SEC23IP: variants seen among roughly 807,000 people sequenced by gnomAD.
The protein encoded by SEC23IP is SEC23 interacting protein.
In SEC23IP, 70 loss-of-function variants were observed where a neutral mutation model predicts 113.4. The ratio of observed to expected loss-of-function variants is 0.62; its 90% CI spans 0.51 to 0.75. The LOEUF is 0.75. Among genes scored for constraint, SEC23IP ranks in the 30% least tolerant of loss-of-function variants. The probability of loss-of-function intolerance (pLI) is 0.00; values close to 1 mark genes in which losing one functional copy is unlikely to be tolerated. For synonymous variants in SEC23IP, 398 were observed against 421.0 expected (o/e 0.95, Z 0.67); for missense variants, 1,160 against 1,204.9 (o/e 0.96, Z 0.55).
In SEC23IP at chr10:119,920,056, GA is replaced by G. The variant is rs570724624; in HGVS notation, c.2025+461del. ...GAAATGGAAATTGAAAGTACAATGGGATTTTTTTTAACTTACCAGTTTGAAA... is the reference window on the plus strand; with the variant it reads ...GAAATGGAAATTGAAAGTACAATGGGTTTTTTTTAACTTACCAGTTTGAAA... On this transcript the variant is annotated intron_variant, in intron 11 of 18. Coordinates refer to ENST00000369075, the MANE Select transcript of SEC23IP (RefSeq NM_007190.4). Among the ~76,000 whole-genome samples, 247 of 152,284 alleles carry G rather than the reference GA, an allele frequency of 1.6e-3. 1 individual carries two copies. Among genetic ancestry groups the G allele is most frequent in the African/African-American group, 5.7e-3 (236 of 41,552 alleles).
intron 12 of SEC23IP, among the ~76,000 whole-genome samples, chr10:119,925,747 G>A (rs1450866742): frequency 6.6e-6 from 1 of 151,982 alleles, no homozygotes; most frequent in African/African-American, 2.4e-5. Flanking sequence ...TCACTATGTT[G>A]CCCAGGTTGG....
At chr10:119,914,134 C>T (rs1030851871) in intron 6 of SEC23IP, among the ~76,000 whole-genome samples, 2 of 152,134 alleles carry the variant, frequency 1.3e-5, no homozygotes, top group African/African-American at 2.4e-5. Flanking sequence ...CACTCTATCC[C>T]GGGCGACAAG....
chr10:119,901,286 T>C (rs1248379786), intron 2 of SEC23IP, among the ~76,000 whole-genome samples: 3 of 152,164 alleles, frequency 2.0e-5, no homozygotes, highest in South Asian at 4.1e-4. Context: ...GGATTATAGG[T>C]GTGAACCATC....
chr10:119,930,423 T>C lies in SEC23IP; in HGVS notation c.2564T>C (p.Leu855Pro). 1 of 1,596,790 alleles carries C rather than the reference T, an allele frequency of 6.3e-7. No individual in the cohort carries two copies. Among genetic ancestry groups the C allele is most frequent in the Non-Finnish European group, 8.6e-7 (1 of 1,166,950 alleles). The change falls in exon 15 of 19, where the codon CTT becomes CCT. Residue 855 changes from leucine (L) to proline (P), a missense_variant. By Grantham distance (98) the Leu-to-Pro change is moderately conservative. Coordinates refer to ENST00000369075, the MANE Select transcript of SEC23IP (RefSeq NM_007190.4). ...LIPHHKGRKR[L>P]HLELKESLSR... is the part of the protein sequence containing the mutation. ...CCACATCACAAAGGCAGAAAAAGAC[T>C]TCATTTAGGTAAAAAGCAAATACTA...
intron 1 of SEC23IP, among the ~76,000 whole-genome samples, chr10:119,894,416 C>T (rs1854201965): frequency 6.6e-6 from 1 of 152,224 alleles, no homozygotes; most frequent in Admixed American, 6.5e-5. Context: ...TATGTTTCTT[C>T]TTGATGCTTG....
rs751753502 is a variant in SEC23IP, at chr10:119,898,836, G to A, written c.573G>A (p.Arg191=). 6.2e-7 allele frequency: 1 copy of A among 1,613,384 alleles called. No homozygotes were observed. The highest frequency in any genetic ancestry group is 2.2e-5 in the East Asian group (1 of 44,882). ...ATCGCCATACCCCTGGCAGCAGCAGGGCTAATCCTTACATTGCACCACCCC... is the reference window on the plus strand; with the variant it reads ...ATCGCCATACCCCTGGCAGCAGCAGAGCTAATCCTTACATTGCACCACCCC... ...NPYRHTPGSS[R]ANPYIAPPQL... The change falls in exon 2 of 19, where the codon AGG becomes AGA. Residue 191 remains arginine, a synonymous_variant. Coordinates refer to ENST00000369075, the MANE Select transcript of SEC23IP (RefSeq NM_007190.4).
At chr10:119,917,352 A>C (rs1424246356) in intron 8 of SEC23IP, among the ~76,000 whole-genome samples, 1 of 151,474 alleles carries the variant, frequency 6.6e-6, no homozygotes, top group African/African-American at 2.4e-5. Flanking sequence ...GGTGTGTGCC[A>C]TGACTTGTGG....
At position 119,898,859 on chromosome 10, in the gene SEC23IP, C is replaced by A; in HGVS notation, c.596C>A (p.Pro199His). Reference protein sequence around the residue: ...SSRANPYIAPPQLQQCQTPGP... With the variant: ...SSRANPYIAPHQLQQCQTPGP... ...AGGGCTAATCCTTACATTGCACCAC[C>A]CCAGCTGCAGCAGTGCCAAACACCA... Residue 199 changes from proline (P) to histidine (H), a missense_variant, in exon 2 of 19, where the codon CCC becomes CAC. Coordinates refer to ENST00000369075, the MANE Select transcript of SEC23IP (RefSeq NM_007190.4). The A allele has an allele frequency of 6.2e-7, 1 of 1,611,420 alleles. No homozygotes were observed. Among genetic ancestry groups the A allele is most frequent in the Non-Finnish European group, 8.5e-7 (1 of 1,179,998 alleles).
At chr10:119,904,956 A>G (rs1239981267) in intron 4 of SEC23IP, among the ~76,000 whole-genome samples, 1 of 152,154 alleles carries the variant, frequency 6.6e-6, no homozygotes, top group African/African-American at 2.4e-5. Context: ...CAACATGGCG[A>G]AACCATGTCT....
intron 13 of SEC23IP, among the ~76,000 whole-genome samples, chr10:119,928,504 C>G (rs1855492058): frequency 6.6e-6 from 1 of 152,178 alleles, no homozygotes; most frequent in South Asian, 2.1e-4. Flanking sequence ...AATTAGAAGT[C>G]CCACATCTAA....
chr10:119,900,657 A>G (rs533811108), intron 2 of SEC23IP, among the ~76,000 whole-genome samples: 92 of 152,136 alleles, frequency 6.0e-4, no homozygotes, highest in African/African-American at 2.1e-3. Flanking sequence ...CAGTGGCGCA[A>G]TCACAGCTCA....
intron 6 of SEC23IP, among the ~76,000 whole-genome samples, chr10:119,913,598 T>G (rs1477678578): frequency 6.6e-6 from 1 of 151,574 alleles, no homozygotes; most frequent in Non-Finnish European, 1.5e-5. Context: ...TTCAAGCAAT[T>G]CTTGTGTCTC....
intron 17 of SEC23IP, 114 bp downstream of exon 17, chr10:119,933,281 T>C: frequency 1.2e-6 from 1 of 864,990 alleles, no homozygotes; most frequent in Admixed American, 2.2e-5. Flanking sequence ...AATATTCATT[T>C]GAATTACTAT....
Position 119,920,953 on chromosome 10 carries a change from C to G in SEC23IP, c.2090C>G (p.Ala697Gly), listed in dbSNP as rs780624404. ...CCCCTTGGACCCAGAAAGAAGATAG[C>G]TAACTTTGTAGAACATAAAGCAGCC... Reference protein sequence around the residue: ...GIPLGPRKKIANFVEHKAAKL... With the variant: ...GIPLGPRKKIGNFVEHKAAKL... Residue 697 changes from alanine (A) to glycine (G), a missense_variant, in exon 12 of 19, where the codon GCT (alanine) becomes GGT (glycine). Ala to Gly is a moderately conservative substitution (Grantham distance 60). Transcript: ENST00000369075. The G allele has an allele frequency of 6.2e-7, 1 of 1,613,678 alleles. No homozygotes were observed. Among genetic ancestry groups the G allele is most frequent in the Non-Finnish European group, 8.5e-7 (1 of 1,179,676 alleles).
At chr10:119,916,473 A>C (rs1264141954) in intron 8 of SEC23IP, among the ~76,000 whole-genome samples, 1 of 152,252 alleles carries the variant, frequency 6.6e-6, no homozygotes, top group African/African-American at 2.4e-5. Flanking sequence ...TTATGCTGGC[A>C]CATGTCTAGA....
chr10:119,913,692 A>G (rs1854947716), intron 6 of SEC23IP, among the ~76,000 whole-genome samples: 1 of 151,540 alleles, frequency 6.6e-6, no homozygotes, highest in African/African-American at 2.4e-5. Context: ...GCGTTTTGCC[A>G]TGTTGGCCAG....
chr10:119,926,083 A>G lies in SEC23IP; in HGVS notation c.2169A>G (p.Lys723=), dbSNP rs1363639561. The G allele has an allele frequency of 3.7e-6, 6 of 1,613,932 alleles. No individual in the cohort carries two copies. The Admixed American group carries it at 6.7e-5, about 18-fold the overall frequency. The part of the protein sequence containing the change: ...EKKAVAATST[K]GQEQSAQKTK... ...AGGCAGTGGCGGCCACTTCTACAAA[A>G]GGACAAGAGCAAAGTGCCCAGAAGA... Residue 723 remains lysine, a synonymous_variant, in exon 13 of 19, where the codon AAA becomes AAG. Coordinates refer to ENST00000369075, the MANE Select transcript of SEC23IP (RefSeq NM_007190.4).
chr10:119,916,328 G>T (rs943926578), intron 8 of SEC23IP, among the ~76,000 whole-genome samples: 1 of 152,090 alleles, frequency 6.6e-6, no homozygotes, highest in East Asian at 1.9e-4. Context: ...CTTTGCTGTC[G>T]CAGTGCAGAC....
chr10:119,910,790 T>C (rs912766508), intron 5 of SEC23IP, among the ~76,000 whole-genome samples: 5 of 152,070 alleles, frequency 3.3e-5, no homozygotes, highest in African/African-American at 1.2e-4. Flanking sequence ...CAAGGGATCC[T>C]CCTGCCTCAG....
Sources: gnomAD v4.1 joint callset for allele counts (sites outside exome capture counted in the v4.1 genomes callset) on GRCh38, gnomAD v4.1.1 for gene constraint, MANE v1.5 for transcripts, NCBI Gene and HGNC (gene_info 2026-07-23, HGNC 2026-07-21) for gene names.